TAB3: variants seen among roughly 807,000 people sequenced by gnomAD.
TAB3 encodes TGF-beta-activated kinase 1 and MAP3K7-binding protein 3.
In TAB3, 18 loss-of-function variants were observed where a neutral mutation model predicts 48.1. That is an observed-to-expected ratio of 0.37 (90% CI 0.26 to 0.55). TAB3 has a LOEUF of 0.55. TAB3 is among the 20% of genes least tolerant of loss of function. TAB3 has a pLI of 0.78. For synonymous variants in TAB3, 185 were observed against 190.2 expected, an observed-to-expected ratio of 0.97 and a Z score of 0.22; for missense variants, 414 against 549.8, an observed-to-expected ratio of 0.75 and a Z score of 2.47.
rs191105100 is a variant in TAB3, at chrX:30,854,465, G to A, written c.1200C>T (p.Tyr400=). The change falls in exon 6 of 11, where the codon TAC becomes TAT. Residue 400 remains tyrosine, a synonymous_variant. Transcript: ENST00000288422. ...AACTTGAAGGTGGCGTGGTGGCTGTGTACAGTGAGTGTTGATTCCGTGGAG... is the reference window on the plus strand; with the variant it reads ...AACTTGAAGGTGGCGTGGTGGCTGTATACAGTGAGTGTTGATTCCGTGGAG... The part of the protein sequence containing the change: ...QPSPRNQHSL[Y]TATTPPSSSP... The A allele has an allele frequency of 1.7e-5, 21 of 1,209,793 alleles. No individual in the cohort carries two copies. The African/African-American group carries it at 2.6e-4, about 15-fold the overall frequency.
At chrX:30,886,120 C>T (rs996404599) in intron 1 of TAB3, among the ~76,000 whole-genome samples, 9 of 111,820 alleles carry the variant, frequency 8.0e-5, no homozygotes, top group Non-Finnish European at 1.3e-4. Flanking sequence ...TTTGATAGTT[C>T]CAAATATTTC....
At chrX:30,882,402 C>G (rs980386414) in intron 1 of TAB3, among the ~76,000 whole-genome samples, 7 of 111,969 alleles carry the variant, frequency 6.3e-5, no homozygotes, top group African/African-American at 1.9e-4. Context: ...TCAAATCCAT[C>G]AAAAGTGAAT....
intron 9 of TAB3, among the ~76,000 whole-genome samples, chrX:30,841,607 T>G (rs1311376860): frequency 9.0e-6 from 1 of 111,292 alleles, no homozygotes; most frequent in African/African-American, 3.3e-5. Flanking sequence ...TCAGGTAGTA[T>G]TATTTAGATA....
chrX:30,885,607 A>G (rs1940108109), intron 1 of TAB3, among the ~76,000 whole-genome samples: 1 of 111,214 alleles, frequency 9.0e-6, no homozygotes, highest in South Asian at 3.8e-4. Context: ...GGAGCGGGGG[A>G]TGGCAGCTGA....
At chrX:30,858,812 G>GAC (rs1302850553) in intron 5 of TAB3, among the ~76,000 whole-genome samples, 1 of 111,921 alleles carries the variant, frequency 8.9e-6, no homozygotes, top group African/African-American at 3.2e-5. Context: ...GAGTGGGAAA[G>GAC]ACACATTCTG....
intron 6 of TAB3, among the ~76,000 whole-genome samples, chrX:30,853,287 A>G (rs1363520221): frequency 8.9e-6 from 1 of 112,716 alleles, no homozygotes; most frequent in African/African-American, 3.2e-5. Context: ...ATCTGAATAG[A>G]CTTTTTAAAA....
intron 9 of TAB3, among the ~76,000 whole-genome samples, chrX:30,842,462 T>C (rs771098103): frequency 8.9e-6 from 1 of 112,316 alleles, no homozygotes; most frequent in Non-Finnish European, 1.9e-5. Flanking sequence ...CTATGTAATA[T>C]AGTGTTTCAG....
chrX:30,827,512 C>A lies in TAB3; in HGVS notation c.*3915G>T, dbSNP rs996395719. 1 of 112,481 alleles carries A rather than the reference C, an allele frequency of 8.9e-6. No individual in the cohort carries two copies. Among genetic ancestry groups the A allele is most frequent in the Non-Finnish European group, 1.9e-5 (1 of 53,257 alleles). 9.3% of individuals were successfully genotyped at this position (112,481 alleles called of 1,213,427 possible). A position where few individuals can be genotyped will look rare whatever the true frequency, so the allele number is the denominator to read the frequency against. The stretch of plus-strand genomic sequence containing the variant: ...TCCGAATATGTACTGTTTGGAGGTA[C>A]GATGCATGCAGAGCCTTTTAAAATG... On this transcript the variant is annotated 3_prime_UTR_variant, in exon 11 of 11. Coordinates refer to ENST00000288422, the MANE Select transcript of TAB3 (RefSeq NM_152787.5).
chrX:30,838,394 T>A (rs952245499), intron 9 of TAB3, among the ~76,000 whole-genome samples: 5 of 112,230 alleles, frequency 4.5e-5, no homozygotes, highest in African/African-American at 1.6e-4. Flanking sequence ...GCTCAAGTGA[T>A]CCTCCTGCCT....
chrX:30,836,270 A>G (rs1266004319), intron 9 of TAB3: 2 of 111,911 alleles, frequency 1.8e-5, no homozygotes, highest in Non-Finnish European at 3.8e-5. Context: ...TAGAATTACA[A>G]CTACTAAATT....
rs1239320923 is a variant in TAB3, at chrX:30,830,573, G to A, written c.*854C>T. On this transcript the variant is annotated 3_prime_UTR_variant, in exon 11 of 11. Coordinates refer to ENST00000288422, the MANE Select transcript of TAB3 (RefSeq NM_152787.5). Reference sequence around the variant, plus strand: ...ACATTCACTGTGCTACTGGCAAAGCGCAGTTTTACGAGAATATCATTTATA... The same window carrying A: ...ACATTCACTGTGCTACTGGCAAAGCACAGTTTTACGAGAATATCATTTATA... The A allele has an allele frequency of 8.9e-6, 1 of 112,353 alleles. No homozygotes were observed. Among genetic ancestry groups the A allele is most frequent in the African/African-American group, 3.2e-5 (1 of 30,881 alleles). 9.3% of individuals were successfully genotyped at this position (112,353 alleles called of 1,213,427 possible).
At chrX:30,871,379 T>G (rs1234151560) in intron 2 of TAB3, among the ~76,000 whole-genome samples, 5 of 112,134 alleles carry the variant, frequency 4.5e-5, no homozygotes, top group Non-Finnish European at 9.4e-5. Flanking sequence ...ATCTGGCACC[T>G]GAGTAGGATT....
chrX:30,868,565 GCTTATATATATATATAT>G (rs1569222052), intron 2 of TAB3, among the ~76,000 whole-genome samples: 793 of 11,794 alleles, frequency 0.067, 172 homozygotes, highest in Admixed American at 0.18. Flanking sequence ...TATATATATA[GCTTATATATATATATAT>G]ATATAGAGAG....
intron 9 of TAB3, among the ~76,000 whole-genome samples, chrX:30,842,323 A>G (rs1364394618): frequency 8.9e-6 from 1 of 111,890 alleles, no homozygotes; most frequent in Non-Finnish European, 1.9e-5. Context: ...TTGTCTGAAA[A>G]ATAATCTTAA....
rs749154617 is a variant in TAB3 at position 30,837,270 on chromosome X, A to G, written c.1889-3118T>C. 1.0e-4 allele frequency among the ~76,000 whole-genome samples: 11 copies of G among 109,456 alleles called. No homozygotes were observed. In the East Asian group the frequency reaches 3.2e-3, roughly 32 times the overall value. ...CACCCTGTTGGACAGGCTGGTCTCA[A>G]ACTCCAGACCTCAAGTGATCCTCCC... is the stretch of plus-strand genomic sequence containing the variant. On this transcript the variant is annotated intron_variant, in intron 9 of 10. Transcript: ENST00000288422.
At chrX:30,848,971 G>A (rs1317536863) in intron 7 of TAB3, among the ~76,000 whole-genome samples, 1 of 110,891 alleles carries the variant, frequency 9.0e-6, no homozygotes, top group Non-Finnish European at 1.9e-5. Context: ...GCAGCTTTCT[G>A]CATATTAAAA....
At position 30,837,118 on chromosome X, in the gene TAB3, G is replaced by A. The variant is rs779445409; in HGVS notation, c.1889-2966C>T. Among the ~76,000 whole-genome samples, 7 of 100,316 alleles carry A rather than the reference G, an allele frequency of 7.0e-5. No homozygotes were observed. The East Asian group carries it at 1.6e-3, about 23-fold the overall frequency. The allele number at this position is 100,316 out of a possible 115,157, so 87.1% of individuals were successfully genotyped here. ...CGTTGGAGTGCAGTGGTGCGATCTC[G>A]GCTCACTGCAACCTCCACCTCCCAG... On this transcript the variant is annotated intron_variant, in intron 9 of 10. Coordinates refer to ENST00000288422, the MANE Select transcript of TAB3 (RefSeq NM_152787.5).
intron 4 of TAB3, among the ~76,000 whole-genome samples, chrX:30,862,303 C>G (rs180897364): frequency 3.7e-4 from 42 of 112,272 alleles, no homozygotes; most frequent in African/African-American, 1.3e-3. Flanking sequence ...CACTTCATGG[C>G]TATTTAATCA....
Position 30,863,106 on chromosome X carries a change from CTT to C in TAB3, c.-90-3430_-90-3429del, listed in dbSNP as rs748160789. 1.7e-4 allele frequency among the ~76,000 whole-genome samples: 19 copies of C among 112,373 alleles called. No individual in the cohort carries two copies. The South Asian group carries it at 4.8e-3, about 28-fold the overall frequency. ...GAAAAGATGATTAATAGTAGACTGA[CTT>C]TTCACAACAAATAGGAATCTAAACT... is the stretch of plus-strand genomic sequence containing the variant. On this transcript the variant is annotated intron_variant, in intron 4 of 10. Transcript: ENST00000288422.
Sources: allele counts gnomAD v4.1 joint callset (sites outside exome capture counted in the v4.1 genomes callset), GRCh38; gene constraint gnomAD v4.1.1; transcripts MANE v1.5; gene names NCBI Gene and HGNC (gene_info 2026-07-23, HGNC 2026-07-21).